PAQR3: variants seen among roughly 807,000 people sequenced by gnomAD.
The protein encoded by PAQR3 is progestin and adipoQ receptor family member 3, also known as Raf kinase trapping to Golgi.
A neutral mutation model predicts 41.7 loss-of-function variants in PAQR3; 39 were observed. The observed-to-expected ratio is 0.93, with a 90% CI of 0.72 to 1.22. The LOEUF is 1.22. PAQR3 is among the 50% of genes most tolerant of loss of function. The pLI is 0.00. For missense variants in PAQR3, 366 were observed against 385.6 expected (o/e 0.95, Z 0.42); for synonymous variants, 140 against 140.6 (o/e 1.00, Z 0.03).
intron 1 of PAQR3, among the ~76,000 whole-genome samples, chr4:78,935,680 G>A (rs1304760297): frequency 6.6e-6 from 1 of 152,204 alleles, no homozygotes; most frequent in Non-Finnish European, 1.5e-5. Flanking sequence ...TGAACGTGCA[G>A]AGGAAATCTG....
downstream of PAQR3, chr4:78,911,735 A>G: frequency 6.2e-7 from 1 of 1,613,972 alleles, no homozygotes; most frequent in Non-Finnish European, 8.5e-7. Flanking sequence ...CAACCTGAGG[A>G]GAGCCTGTTG....
downstream of PAQR3, chr4:78,911,876 G>A (rs1268975848): frequency 2.5e-6 from 4 of 1,613,772 alleles, no homozygotes; most frequent in Non-Finnish European, 3.4e-6. Context: ...TCACTACATG[G>A]GTCATTCCAT....
At chr4:78,932,674 T>C (rs1254350629) in intron 2 of PAQR3, among the ~76,000 whole-genome samples, 2 of 151,812 alleles carry the variant, frequency 1.3e-5, no homozygotes. Flanking sequence ...TAGTAATAAT[T>C]AGAAACAAAC....
At chr4:78,938,921 G>T in intron 1 of PAQR3, 119 bp downstream of exon 1, 1 of 986,642 alleles carries the variant, frequency 1.0e-6, no homozygotes, top group Non-Finnish European at 1.5e-6. Context: ...GGATGAAAAG[G>T]ATGGGGCGGC....
intron 3 of PAQR3, among the ~76,000 whole-genome samples, chr4:78,929,560 G>C (rs17003511): frequency 0.068 from 10,303 of 152,238 alleles, 473 homozygotes; most frequent in East Asian, 0.22. Flanking sequence ...ACTGACTTTT[G>C]TGTGAACTTA....
intron 2 of PAQR3, among the ~76,000 whole-genome samples, chr4:78,934,067 G>T (rs1279459048): frequency 6.6e-6 from 1 of 151,484 alleles, no homozygotes; most frequent in Non-Finnish European, 1.5e-5. Flanking sequence ...CTGTAATCAG[G>T]GCAAAAATTA....
chr4:78,912,900 T>C lies in PAQR3; in HGVS notation c.*7639A>G, dbSNP rs1437315627. Reference sequence around the variant, plus strand: ...AACATTCACTACTTTAGAAACACTTTATGCATGGCTTCTTGCCCCAAACTT... The same window carrying C: ...AACATTCACTACTTTAGAAACACTTCATGCATGGCTTCTTGCCCCAAACTT... On this transcript the variant is annotated 3_prime_UTR_variant, in exon 6 of 6. Coordinates refer to ENST00000512733, the MANE Select transcript of PAQR3 (RefSeq NM_001040202.2). 1 of 152,178 alleles carries C rather than the reference T, an allele frequency of 6.6e-6. No homozygotes were observed. 9.4% of individuals were successfully genotyped at this position (152,178 alleles called of 1,614,324 possible).
At chr4:78,934,163 G>T (rs1203842787) in intron 2 of PAQR3, among the ~76,000 whole-genome samples, 1 of 152,082 alleles carries the variant, frequency 6.6e-6, no homozygotes, top group African/African-American at 2.4e-5. Flanking sequence ...TTCCCTCAAA[G>T]AAAATTAAAA....
In PAQR3 at chr4:78,918,205, T is replaced by G; in HGVS notation, c.*2334A>C. 1 of 927,382 alleles carries G rather than the reference T, an allele frequency of 1.1e-6. No individual in the cohort carries two copies. Among genetic ancestry groups the G allele is most frequent in the South Asian group, 5.0e-5 (1 of 20,006 alleles). The allele number at this position is 927,382 out of a possible 1,614,324, so 57.4% of individuals were successfully genotyped here. A position where few individuals can be genotyped will look rare whatever the true frequency, so the allele number is the denominator to read the frequency against. On this transcript the variant is annotated 3_prime_UTR_variant, in exon 6 of 6. Coordinates refer to ENST00000512733, the MANE Select transcript of PAQR3 (RefSeq NM_001040202.2). ...CACATTGGTAAAATTAAAACCAGTC[T>G]TTTTTAGTAATAAAACTGGATAGTA...
At chr4:78,907,361 T>TA (rs1560557599), downstream of PAQR3, among the ~76,000 whole-genome samples, 1 of 152,174 alleles carries the variant, frequency 6.6e-6, no homozygotes, top group African/African-American at 2.4e-5. Flanking sequence ...ATGAAAACAG[T>TA]AAATTTTAAG....
intron 11 of PAQR3, among the ~76,000 whole-genome samples, chr4:78,897,664 G>A (rs756064044): frequency 5.3e-5 from 8 of 151,886 alleles, no homozygotes; most frequent in South Asian, 2.1e-4. Flanking sequence ...TTTTTATAGC[G>A]CTAAGTATCC....
At chr4:78,897,813 A>C (rs993715105) in intron 11 of PAQR3, among the ~76,000 whole-genome samples, 1 of 152,214 alleles carries the variant, frequency 6.6e-6, no homozygotes, top group Non-Finnish European at 1.5e-5. Context: ...TACTGGATAG[A>C]GTTTTATCTG....
exon 13 of PAQR3, chr4:78,887,275 T>C (rs773407593): frequency 1.7e-5 from 28 of 1,604,648 alleles, no homozygotes; most frequent in Non-Finnish European, 2.3e-5. Context: ...TCCTTTCATT[T>C]CTCATTCAGG....
chr4:78,910,537 C>T (rs1429116167), downstream of PAQR3: 1 of 1,205,936 alleles, frequency 8.3e-7, no homozygotes, highest in Non-Finnish European at 1.1e-6. Context: ...ATGTGTAATA[C>T]ATATTAACAT....
chr4:78,894,718 TG>T (rs1208945948), intron 11 of PAQR3, among the ~76,000 whole-genome samples: 5 of 152,350 alleles, frequency 3.3e-5, no homozygotes, highest in African/African-American at 1.2e-4. Flanking sequence ...ATTTTTCCTT[TG>T]TGTTCACTTG....
chr4:78,933,257 CA>C (rs1229096828), intron 2 of PAQR3: 1 of 456,214 alleles, frequency 2.2e-6, no homozygotes, highest in Admixed American at 2.3e-5. Context: ...ACACATTCAA[CA>C]AATATTTGTT....
rs1734958686 is a variant in PAQR3, at chr4:78,915,444, G to A, written c.*5095C>T. The A allele has an allele frequency of 6.6e-6, 1 of 151,842 alleles. No homozygotes were observed. Among genetic ancestry groups the A allele is most frequent in the Admixed American group, 6.6e-5 (1 of 15,196 alleles). 9.4% of individuals were successfully genotyped at this position (151,842 alleles called of 1,614,324 possible). On this transcript the variant is annotated 3_prime_UTR_variant, in exon 6 of 6. Coordinates refer to ENST00000512733, the MANE Select transcript of PAQR3 (RefSeq NM_001040202.2). The stretch of plus-strand genomic sequence containing the variant: ...GGTACATTTGTTTTTAATATATTTA[G>A]AATGTGCAGTAAACTTTTTTCTCAT...
chr4:78,928,591 A>C (rs1188168756), intron 3 of PAQR3, among the ~76,000 whole-genome samples: 4 of 152,190 alleles, frequency 2.6e-5, no homozygotes, highest in Non-Finnish European at 2.9e-5. Flanking sequence ...AATGTGAGAA[A>C]TTCTACACTG....
At chr4:78,905,950 A>G (rs1734261233) in intron 11 of PAQR3, among the ~76,000 whole-genome samples, 1 of 152,208 alleles carries the variant, frequency 6.6e-6, no homozygotes, top group Non-Finnish European at 1.5e-5. Flanking sequence ...TAAAATACTT[A>G]TTCTGACAGT....
Sources: allele counts gnomAD v4.1 joint callset (sites outside exome capture counted in the v4.1 genomes callset), GRCh38; gene constraint gnomAD v4.1.1; transcripts MANE v1.5; gene names NCBI Gene and HGNC (gene_info 2026-07-23, HGNC 2026-07-21).